BRD4: variants seen among roughly 807,000 people sequenced by gnomAD.
BRD4 encodes the protein bromodomain containing 4.
A neutral mutation model predicts 142.1 loss-of-function variants in BRD4; 16 were observed. That is an observed-to-expected ratio of 0.11 (90% confidence interval 0.08 to 0.17). The LOEUF is 0.17. Among genes scored for constraint, BRD4 ranks in the 10% least tolerant of loss-of-function variants. The probability of loss-of-function intolerance (pLI) is 1.00; values close to 1 mark genes in which losing one functional copy is unlikely to be tolerated. For missense variants in BRD4, 1,424 were observed against 1,810.9 expected (o/e 0.79, Z 3.88); for synonymous variants, 833 against 707.5 (o/e 1.18, Z -2.82).
At chr19:15,251,331 T>G in intron 11 of BRD4, among the ~76,000 whole-genome samples, 1 of 151,006 alleles carries the variant, frequency 6.6e-6, no homozygotes. Flanking sequence ...TTTCTTCTGG[T>G]GATTCATGTC....
intron 11 of BRD4, among the ~76,000 whole-genome samples, chr19:15,251,910 C>T (rs1387377878): frequency 1.3e-5 from 2 of 152,172 alleles, no homozygotes; most frequent in Non-Finnish European, 1.5e-5. Context: ...AGGCCAGAGC[C>T]CAGATAGCTG....
At position 15,282,793 on chromosome 19, in the gene BRD4, C is replaced by T. The variant is rs117921496; in HGVS notation, c.-34-9660G>A. On this transcript the variant is annotated intron_variant, in intron 1 of 19. Transcript: ENST00000679869. ...CAACAGAGCTGTGGGGTATGTGGCA[C>T]TGAGATTCATCCACACCATAATATG... Among the ~76,000 whole-genome samples, 120 of 152,212 alleles carry T rather than the reference C, an allele frequency of 7.9e-4. 1 individual carries two copies. In the East Asian group the frequency reaches 0.016, roughly 20 times the overall value.
At chr19:15,263,946 C>A (rs2047502354) in intron 6 of BRD4, among the ~76,000 whole-genome samples, 1 of 152,234 alleles carries the variant, frequency 6.6e-6, no homozygotes, top group Non-Finnish European at 1.5e-5. Flanking sequence ...GAAGAAGAAA[C>A]ACGTAACAAG....
At chr19:15,302,938 G>A (rs961733932) in intron 1 of BRD4, among the ~76,000 whole-genome samples, 2 of 150,584 alleles carry the variant, frequency 1.3e-5, no homozygotes, top group African/African-American at 4.9e-5. Context: ...AACCCGGGAG[G>A]CGGAGCTTGC....
At chr19:15,244,874 C>T in intron 11 of BRD4, 112 bp from the exon 12 acceptor site, 1 of 1,574,932 alleles carries the variant, frequency 6.3e-7, no homozygotes. Context: ...ACCAGTGACC[C>T]TGAGAAAGGG....
intron 13 of BRD4, among the ~76,000 whole-genome samples, 193 bp downstream of exon 13, chr19:15,244,038 A>G (rs927009235): frequency 3.9e-5 from 6 of 152,252 alleles, no homozygotes; most frequent in Non-Finnish European, 7.3e-5. Context: ...CAACGTGTTA[A>G]TAACTCCATG....
rs558143357 is a variant in BRD4, at chr19:15,303,994, C to T, written c.-35+28296G>A. ...CCAAAGCACTTGCTCTCACATTTGA[C>T]CACCAAGGTAGGATGAAAGAGCTCA... is the stretch of plus-strand genomic sequence containing the variant. On this transcript the variant is annotated intron_variant, in intron 1 of 19. Transcript: ENST00000679869. Among the ~76,000 whole-genome samples, 7 of 152,258 alleles carry T rather than the reference C, an allele frequency of 4.6e-5. No homozygotes were observed. In the South Asian group the frequency reaches 1.4e-3, roughly 32 times the overall value.
intron 1 of BRD4, among the ~76,000 whole-genome samples, chr19:15,295,419 T>A (rs1263656974): frequency 6.6e-6 from 1 of 152,234 alleles, no homozygotes; most frequent in African/African-American, 2.4e-5. Flanking sequence ...CAAAAGGCTT[T>A]CCGTGTGTCC....
intron 14 of BRD4, among the ~76,000 whole-genome samples, chr19:15,240,351 T>C (rs1755524288): frequency 6.6e-6 from 1 of 152,208 alleles, no homozygotes; most frequent in African/African-American, 2.4e-5. Flanking sequence ...TCATCTGGGA[T>C]ACTGTGGAAA....
At chr19:15,291,322 A>G (rs1489682370) in intron 1 of BRD4, among the ~76,000 whole-genome samples, 2 of 152,192 alleles carry the variant, frequency 1.3e-5, no homozygotes, top group Admixed American at 6.5e-5. Context: ...TCATCCTACT[A>G]CATCTCTTGG....
intron 1 of BRD4, among the ~76,000 whole-genome samples, chr19:15,288,112 CCTAT>C (rs1284977700): frequency 6.6e-6 from 1 of 152,134 alleles, no homozygotes; most frequent in Non-Finnish European, 1.5e-5. Flanking sequence ...TCATATTTTG[CCTAT>C]CTATCCATCC....
intron 1 of BRD4, among the ~76,000 whole-genome samples, chr19:15,287,854 C>T (rs2047751947): frequency 6.6e-6 from 1 of 151,922 alleles, no homozygotes; most frequent in South Asian, 2.1e-4. Flanking sequence ...ATTGCAACCT[C>T]CACCTCCTGG....
At chr19:15,240,108 G>A in intron 14 of BRD4, 86 bp from the exon 15 acceptor site, 3 of 1,501,104 alleles carry the variant, frequency 2.0e-6, no homozygotes, top group Non-Finnish European at 2.7e-6. Flanking sequence ...AACGTGGGCT[G>A]TATGGAGAAA....
intron 9 of BRD4, 147 bp downstream of exon 9, chr19:15,255,917 T>C (rs1293259067): frequency 7.9e-6 from 8 of 1,015,216 alleles, no homozygotes; most frequent in African/African-American, 3.2e-5. Flanking sequence ...TGTGTGCAAG[T>C]GGCCACCAGC....
intron 1 of BRD4, among the ~76,000 whole-genome samples, chr19:15,274,901 G>A (rs892948281): frequency 1.1e-4 from 17 of 150,034 alleles, no homozygotes; most frequent in Non-Finnish European, 2.2e-4. Context: ...AGGGTCTGTC[G>A]CCCAGGCAGT....
intron 1 of BRD4, among the ~76,000 whole-genome samples, chr19:15,282,014 T>C (rs577767271): frequency 6.7e-6 from 1 of 150,168 alleles, no homozygotes; most frequent in South Asian, 2.1e-4. Context: ...CGAGACTCCA[T>C]CTCCAAAACA....
Position 15,239,516 on chromosome 19 carries a change from T to A in BRD4, c.3452A>T (p.Glu1151Val). The A allele has an allele frequency of 6.2e-7, 1 of 1,612,202 alleles. No homozygotes were observed. The highest frequency in any genetic ancestry group is 1.1e-5 in the South Asian group (1 of 91,018). Residue 1151 changes from glutamate (E) to valine (V), a missense_variant, in exon 17 of 20, where the codon GAA becomes GTA. Transcript: ENST00000679869. This position sits in a 1 kb window ranked among gnomAD's most constrained non-coding sequence, Gnocchi z 7.4. ...CCTCCCGACATCCACAGGCTTCATT[T>A]CCGGCCCTGGAACATAAACAGCCGG... ...KAPVHLPQRP[E>V]MKPVDVGRPV...
intron 1 of BRD4, among the ~76,000 whole-genome samples, chr19:15,297,516 T>C (rs1270502269): frequency 6.6e-6 from 1 of 152,208 alleles, no homozygotes; most frequent in Non-Finnish European, 1.5e-5. Flanking sequence ...TCAAGTCTTT[T>C]ACCCATCAAA....
At position 15,237,220 on chromosome 19, in the gene BRD4, A is replaced by C; in HGVS notation, c.*1157T>G. On this transcript the variant is annotated 3_prime_UTR_variant, in exon 20 of 20. Coordinates refer to ENST00000679869, the MANE Select transcript of BRD4 (RefSeq NM_001379291.1). ...AACCAACTCAACAGATCTGACATTA[A>C]AAAACAAAAAAGCCAACAAATGGGT... 7.9e-6 allele frequency: 1 copy of C among 127,086 alleles called. No homozygotes were observed. Among genetic ancestry groups the C allele is most frequent in the Non-Finnish European group, 1.6e-5 (1 of 63,948 alleles). 7.9% of individuals were successfully genotyped at this position (127,086 alleles called of 1,614,324 possible).
Sources: allele counts gnomAD v4.1 joint callset (sites outside exome capture counted in the v4.1 genomes callset), GRCh38; gene constraint gnomAD v4.1.1; non-coding constraint Gnocchi (gnomAD v3.1); transcripts MANE v1.5; gene names NCBI Gene and HGNC (gene_info 2026-07-23, HGNC 2026-07-21).